Variants in MYO10 observed in about 807,000 individuals in gnomAD.
MYO10 encodes unconventional myosin-X.
MYO10 carries 133 observed loss-of-function variants against 257.3 expected under a neutral mutation model. The observed-to-expected ratio is 0.52, with a 90% CI of 0.45 to 0.60. MYO10 has a LOEUF of 0.60. Among genes scored for constraint, MYO10 ranks in the 20% least tolerant of loss-of-function variants. The probability of loss-of-function intolerance (pLI) is 0.00; values close to 1 mark genes in which losing one functional copy is unlikely to be tolerated. For synonymous variants in MYO10, 1,104 were observed against 1,028.6 expected (o/e 1.07, Z -1.40); for missense variants, 2,399 against 2,635.7 (o/e 0.91, Z 1.97).
At chr5:16,710,811 C>A (rs572503798) in intron 21 of MYO10, 97 bp downstream of exon 21, 4 of 1,001,336 alleles carry the variant, frequency 4.0e-6, no homozygotes, top group South Asian at 1.5e-5. Context: ...TGTGAAAGAA[C>A]AATTGTATAG....
Position 16,825,018 on chromosome 5 carries a change from G to C in MYO10, c.121-6851C>G, listed in dbSNP as rs116385399. Among the ~76,000 whole-genome samples, 1,068 of 152,180 alleles carry C rather than the reference G, an allele frequency of 7.0e-3. 5 individuals carry two copies. Among genetic ancestry groups the C allele is most frequent in the African/African-American group, 0.024 (1,008 of 41,514 alleles). ...TGACCCAAGTTAAGGAGGAGGAGGA[G>C]GATTTCTAGGAATTGGAGACTGTTT... On this transcript the variant is annotated intron_variant, in intron 2 of 40. Coordinates refer to ENST00000513610, the MANE Select transcript of MYO10 (RefSeq NM_012334.3).
chr5:16,763,652 T>A lies in MYO10; in HGVS notation c.1427+3A>T. ...ATTGAAATGGAATTCTATGAGTGCT[T>A]ACCGGCTATATTCTAGTTGTTCTAA... On this transcript the variant is annotated splice_donor_region_variant and intron_variant, in intron 13 of 40. Coordinates refer to ENST00000513610, the MANE Select transcript of MYO10 (RefSeq NM_012334.3). The A allele has an allele frequency of 1.2e-6, 2 of 1,600,234 alleles. No homozygotes were observed. Among genetic ancestry groups the A allele is most frequent in the Non-Finnish European group, 1.7e-6 (2 of 1,167,728 alleles).
intron 1 of MYO10, among the ~76,000 whole-genome samples, chr5:16,890,893 G>C (rs1050280603): frequency 1.3e-5 from 2 of 151,812 alleles, no homozygotes; most frequent in African/African-American, 2.4e-5. Context: ...CTATAACATG[G>C]ATGAGCCTAG....
chr5:16,748,609 G>GGAGA (rs34860839), intron 19 of MYO10, among the ~76,000 whole-genome samples: 2 of 144,914 alleles, frequency 1.4e-5, no homozygotes, highest in African/African-American at 5.4e-5. Context: ...AGAAAAAGAG[G>GGAGA]GAGAGAGGGA....
chr5:16,752,255 A>G (rs903912029), intron 19 of MYO10, among the ~76,000 whole-genome samples: 1 of 152,156 alleles, frequency 6.6e-6, no homozygotes, highest in African/African-American at 2.4e-5. Flanking sequence ...AAACTGTGAG[A>G]TGCATCCCAG....
At chr5:16,830,034 G>T (rs1743119211) in intron 2 of MYO10, among the ~76,000 whole-genome samples, 1 of 152,138 alleles carries the variant, frequency 6.6e-6, no homozygotes, top group African/African-American at 2.4e-5. Flanking sequence ...GAGGTGAGGA[G>T]TTCGGGACCA....
At chr5:16,926,538 C>A (rs1271018954) in intron 1 of MYO10, among the ~76,000 whole-genome samples, 1 of 152,076 alleles carries the variant, frequency 6.6e-6, no homozygotes, top group Non-Finnish European at 1.5e-5. Flanking sequence ...CCCGTCTCTA[C>A]TGTAAATACA....
chr5:16,827,099 G>A (rs1402157345), intron 2 of MYO10, among the ~76,000 whole-genome samples: 1 of 152,142 alleles, frequency 6.6e-6, no homozygotes, highest in Non-Finnish European at 1.5e-5. Flanking sequence ...CAAGACTGGA[G>A]AAATTATTTG....
intron 1 of MYO10, among the ~76,000 whole-genome samples, chr5:16,889,478 A>AAG (rs1744984989): frequency 3.8e-5 from 5 of 132,000 alleles, no homozygotes; most frequent in South Asian, 2.7e-4. Flanking sequence ...AAGAAAAGAA[A>AAG]GAAGGAAGGA....
chr5:16,918,933 T>C (rs1745903330), intron 1 of MYO10, among the ~76,000 whole-genome samples: 1 of 152,246 alleles, frequency 6.6e-6, no homozygotes, highest in Admixed American at 6.5e-5. Context: ...TGCTTGGCTA[T>C]AGGAAAATTT....
chr5:16,786,248 G>A lies in MYO10; in HGVS notation c.468-2779C>T, dbSNP rs149028286. On this transcript the variant is annotated intron_variant, in intron 4 of 40. Transcript: ENST00000513610. The stretch of plus-strand genomic sequence containing the variant: ...AAAAATACAATTATGGAGAAGATAC[G>A]ATACTCTTCAAACTCTACAGCAGAG... Among the ~76,000 whole-genome samples, 428 of 152,162 alleles carry A rather than the reference G, an allele frequency of 2.8e-3. 2 individuals are homozygous for A. Among genetic ancestry groups the A allele is most frequent in the African/African-American group, 0.01 (416 of 41,508 alleles).
rs549838087 is a variant in MYO10, at chr5:16,704,826, T to G, written c.2170-141A>C. On this transcript the variant is annotated intron_variant, in intron 21 of 40. Transcript: ENST00000513610. ...CACATGGCCATGCTTTCTAGAATAG[T>G]GCTTTTTAAAGGTTCCACCTGTCAT... is the stretch of plus-strand genomic sequence containing the variant. 2.8e-5 allele frequency: 18 copies of G among 648,728 alleles called. No homozygotes were observed. In the East Asian group the frequency reaches 4.7e-4, roughly 17 times the overall value. 40.2% of individuals were successfully genotyped at this position (648,728 alleles called of 1,614,324 possible). A position where few individuals can be genotyped will look rare whatever the true frequency, so the allele number is the denominator to read the frequency against.
At chr5:16,689,432 T>G (rs1321404955) in intron 28 of MYO10, among the ~76,000 whole-genome samples, 4 of 152,198 alleles carry the variant, frequency 2.6e-5, no homozygotes, top group Admixed American at 2.6e-4. Flanking sequence ...CATTAGTTAC[T>G]GCTCCCTGCC....
intron 18 of MYO10, among the ~76,000 whole-genome samples, chr5:16,756,960 G>A (rs1207233095): frequency 4.0e-5 from 6 of 151,586 alleles, no homozygotes; most frequent in African/African-American, 1.5e-4. Context: ...AATTAGCCGG[G>A]TATGAAAAAT....
intron 3 of MYO10, among the ~76,000 whole-genome samples, chr5:16,813,644 C>T (rs569316386): frequency 6.6e-6 from 1 of 152,102 alleles, no homozygotes; most frequent in East Asian, 1.9e-4. Flanking sequence ...CATCCACACT[C>T]ATCCCAGAGC....
chr5:16,701,037 CG>C lies in MYO10; in HGVS notation c.3357del (p.Asp1120ThrfsTer65). 6.4e-7 allele frequency: 1 copy of C among 1,564,134 alleles called. No homozygotes were observed. The highest frequency in any genetic ancestry group is 8.7e-7 in the Non-Finnish European group (1 of 1,154,634). On this transcript the variant is annotated frameshift_variant, in exon 25 of 41. Coordinates refer to ENST00000513610, the MANE Select transcript of MYO10 (RefSeq NM_012334.3). LOFTEE classifies it high-confidence loss of function. The surrounding 1 kb of genome is among the most constrained non-coding windows in gnomAD (Gnocchi z 8.1). ...TAGGTCCCCACAGAGCAGCGGTAGT[CG>C]GGGGACCACTGGCTGCCGTAGGAGT... Reference protein sequence around the residue: ...FSNSYGSQWSPDYRCSVGTYN... With the variant: ...FSNSYGSQWSXDYRCSVGTYN...
chr5:16,702,448 T>C, intron 24 of MYO10, 95 bp downstream of exon 24: 2 of 1,157,772 alleles, frequency 1.7e-6, no homozygotes, highest in Non-Finnish European at 2.5e-6. Flanking sequence ...CTGTTATCTT[T>C]CTACTTTAAT....
intron 19 of MYO10, among the ~76,000 whole-genome samples, chr5:16,737,095 A>G (rs906191778): frequency 6.6e-6 from 1 of 150,648 alleles, no homozygotes; most frequent in East Asian, 1.9e-4. Flanking sequence ...GTTCTTTCTT[A>G]AAAAAATCAC....
At chr5:16,853,759 C>T (rs965435474) in intron 2 of MYO10, among the ~76,000 whole-genome samples, 43 of 152,170 alleles carry the variant, frequency 2.8e-4, no homozygotes, top group Non-Finnish European at 5.7e-4. Context: ...GGATGACATC[C>T]ATTCTTCACA....
Sources: gnomAD v4.1 joint callset for allele counts (sites outside exome capture counted in the v4.1 genomes callset) on GRCh38, gnomAD v4.1.1 for gene constraint, Gnocchi (gnomAD v3.1) non-coding constraint, MANE v1.5 for transcripts, NCBI Gene and HGNC (gene_info 2026-07-23, HGNC 2026-07-21) for gene names.